FOXN3: variants seen among roughly 807,000 people sequenced by gnomAD.
FOXN3 encodes forkhead box N3, also known as forkhead box protein N3.
In FOXN3, 7 loss-of-function variants were observed where a neutral mutation model predicts 38.4. That is an observed-to-expected ratio of 0.18 (90% CI 0.10 to 0.34). The LOEUF is 0.34. Among genes scored for constraint, FOXN3 ranks in the 10% least tolerant of loss-of-function variants. FOXN3 has a pLI of 1.00. For missense variants in FOXN3, 456 were observed against 613.4 expected (o/e 0.74, Z 2.71); for synonymous variants, 230 against 242.2 (o/e 0.95, Z 0.47).
chr14:89,188,753 C>T (rs1887872004), intron 4 of FOXN3, among the ~76,000 whole-genome samples: 1 of 152,038 alleles, frequency 6.6e-6, no homozygotes, highest in Admixed American at 6.6e-5. Flanking sequence ...TTGAGTTATG[C>T]AACTTAATTT....
chr14:89,521,091 A>T (rs2139821168), intron 1 of FOXN3, among the ~76,000 whole-genome samples: 1 of 152,298 alleles, frequency 6.6e-6, no homozygotes, highest in South Asian at 2.1e-4. Context: ...AGGCAGGTGG[A>T]TCATGAGGTC....
intron 1 of FOXN3, among the ~76,000 whole-genome samples, chr14:89,415,827 ACCT>A (rs1198012407): frequency 7.2e-6 from 1 of 138,932 alleles, no homozygotes; most frequent in African/African-American, 3.1e-5. Flanking sequence ...TTCACTGGTG[ACCT>A]CCTTACAACT....
At chr14:89,213,152 C>G (rs1184943718) in intron 4 of FOXN3, among the ~76,000 whole-genome samples, 1 of 152,196 alleles carries the variant, frequency 6.6e-6, no homozygotes, top group African/African-American at 2.4e-5. Context: ...TGACCACACA[C>G]CTGCTGCCCA....
intron 3 of FOXN3, among the ~76,000 whole-genome samples, chr14:89,299,040 G>A (rs954600053): frequency 3.4e-5 from 5 of 147,452 alleles, no homozygotes; most frequent in African/African-American, 1.2e-4. Flanking sequence ...CTGCTTCCCT[G>A]GAAAAACTAT....
At chr14:89,321,449 G>A (rs750899514) in intron 3 of FOXN3, among the ~76,000 whole-genome samples, 5 of 151,902 alleles carry the variant, frequency 3.3e-5, no homozygotes, top group East Asian at 1.9e-4. Flanking sequence ...GATGGTAGGC[G>A]CTTGTAATCC....
chr14:89,180,741 G>C lies in FOXN3; in HGVS notation c.811C>G (p.Pro271Ala), dbSNP rs1316592103. ...ACCCCAATGGGAGTGATTGGCAGCG[G>C]CCGCACGCCAGGAAACAGCCCTCGG... ...LSRGLFPGVR[P>A]LPITPIGVTA... The change falls in exon 5 of 6, where the codon CCG (proline) becomes GCG (alanine). Residue 271 changes from proline (P) to alanine (A), a missense_variant. This residue lies in a region of FOXN3 where 386 missense variants were observed against 505.2 expected (regional missense o/e 0.76). Coordinates refer to ENST00000557258, the MANE Select transcript of FOXN3 (RefSeq NM_005197.4). The C allele has an allele frequency of 4.3e-6, 7 of 1,612,192 alleles. No homozygotes were observed. The Admixed American group carries it at 1.0e-4, about 23-fold the overall frequency.
chr14:89,248,730 A>C (rs1359972996), intron 4 of FOXN3, among the ~76,000 whole-genome samples: 1 of 152,260 alleles, frequency 6.6e-6, no homozygotes, highest in African/African-American at 2.4e-5. Context: ...CGCTATAGAC[A>C]TGATTTTGAT....
chr14:89,587,039 G>A (rs1895855816), intron 1 of FOXN3, among the ~76,000 whole-genome samples: 1 of 152,254 alleles, frequency 6.6e-6, no homozygotes, highest in South Asian at 2.1e-4. Flanking sequence ...AATTACAGGG[G>A]CTGGTGACTC....
intron 1 of FOXN3, among the ~76,000 whole-genome samples, chr14:89,462,159 A>G (rs1216487166): frequency 2.0e-5 from 3 of 152,222 alleles, no homozygotes; most frequent in Non-Finnish European, 4.4e-5. Context: ...AAACCCCTCT[A>G]TTGTAGGAAG....
chr14:89,583,776 T>C (rs1009361359), intron 1 of FOXN3, among the ~76,000 whole-genome samples: 11 of 152,040 alleles, frequency 7.2e-5, no homozygotes, highest in African/African-American at 2.7e-4. Context: ...GCCAGGCTGG[T>C]CTTAAACTCC....
chr14:89,470,588 T>C (rs1421156787), intron 1 of FOXN3, among the ~76,000 whole-genome samples: 3 of 152,248 alleles, frequency 2.0e-5, no homozygotes, highest in African/African-American at 7.2e-5. Flanking sequence ...CTCTCTGAGA[T>C]ATTTTTTATT....
intron 4 of FOXN3, among the ~76,000 whole-genome samples, chr14:89,267,363 C>A (rs905266040): frequency 6.6e-6 from 1 of 152,150 alleles, no homozygotes; most frequent in Non-Finnish European, 1.5e-5. Context: ...GTGGTCATAG[C>A]TGGGCTGACG....
intron 2 of FOXN3, among the ~76,000 whole-genome samples, chr14:89,398,441 G>T (rs1891155731): frequency 6.6e-6 from 1 of 152,114 alleles, no homozygotes; most frequent in African/African-American, 2.4e-5. Context: ...CGGGCACTTT[G>T]AGGGCAGCTG....
At chr14:89,418,699 C>T (rs941121528), upstream of FOXN3, among the ~76,000 whole-genome samples, 2 of 152,092 alleles carry the variant, frequency 1.3e-5, no homozygotes, top group African/African-American at 4.8e-5. Flanking sequence ...TGAAGTCTCA[C>T]GCCAGAGATT....
At chr14:89,355,844 T>C (rs986148165) in intron 2 of FOXN3, among the ~76,000 whole-genome samples, 4 of 152,016 alleles carry the variant, frequency 2.6e-5, no homozygotes, top group Admixed American at 1.3e-4. Flanking sequence ...TTCTCACCAC[T>C]TGTGAGGAAG....
At chr14:89,243,732 T>A (rs1357357451) in intron 4 of FOXN3, among the ~76,000 whole-genome samples, 1 of 152,160 alleles carries the variant, frequency 6.6e-6, no homozygotes, top group Non-Finnish European at 1.5e-5. Flanking sequence ...TCAACCACAA[T>A]AACAGTGCTT....
intron 3 of FOXN3, among the ~76,000 whole-genome samples, chr14:89,298,443 C>G (rs1487837462): frequency 7.1e-6 from 1 of 141,326 alleles, no homozygotes; most frequent in Non-Finnish European, 1.5e-5. Context: ...GCACTCCAGC[C>G]TGGGTGATAG....
intron 3 of FOXN3, among the ~76,000 whole-genome samples, chr14:89,281,333 C>T (rs1255063956): frequency 1.3e-5 from 2 of 152,196 alleles, no homozygotes; most frequent in African/African-American, 4.8e-5. Context: ...ATTTGCTAAC[C>T]TATTCATAAT....
intron 4 of FOXN3, among the ~76,000 whole-genome samples, chr14:89,242,663 C>G (rs1190784164): frequency 6.6e-6 from 1 of 152,098 alleles, no homozygotes; most frequent in East Asian, 1.9e-4. Flanking sequence ...AACAATTACA[C>G]TGGGAAAATG....
Sources: gnomAD v4.1 joint callset for allele counts (sites outside exome capture counted in the v4.1 genomes callset) on GRCh38, gnomAD v4.1.1 for gene constraint, gnomAD v4.1.1 regional missense constraint, MANE v1.5 for transcripts, NCBI Gene and HGNC (gene_info 2026-07-23, HGNC 2026-07-21) for gene names.